Variants in SMU1 observed in about 807,000 individuals in gnomAD.
SMU1 encodes the protein SMU1 DNA replication regulator and spliceosomal factor.
SMU1 carries 2 observed loss-of-function variants against 62.0 expected under a neutral mutation model. The ratio of observed to expected loss-of-function variants is 0.03; its 90% confidence interval spans 0.01 to 0.10. The LOEUF (loss-of-function observed/expected upper bound fraction) is 0.10. Among genes scored for constraint, SMU1 ranks in the 10% least tolerant of loss-of-function variants. The pLI is 1.00. For missense variants in SMU1, 227 were observed against 622.1 expected, an observed-to-expected ratio of 0.36 and a Z score of 6.76; for synonymous variants, 188 against 212.4, an observed-to-expected ratio of 0.89 and a Z score of 1.00.
chr9:33,052,989 A>G, intron 10 of SMU1, 134 bp downstream of exon 10: 1 of 748,698 alleles, frequency 1.3e-6, no homozygotes, highest in Non-Finnish European at 2.2e-6. Flanking sequence ...TAAATCTGAA[A>G]AACAAATACA....
intron 10 of SMU1, among the ~76,000 whole-genome samples, chr9:33,052,239 T>C (rs1018878277): frequency 7.7e-5 from 11 of 142,446 alleles, no homozygotes; most frequent in African/African-American, 2.7e-4. Flanking sequence ...ATTATCATTA[T>C]ATAAGATGTT....
chr9:33,076,558 C>A lies in SMU1; in HGVS notation c.26+25G>T, dbSNP rs367840291. ...TAACCTCCAGGCCCCCGGCAAGGCGCGAACATCCCCACCGCAGGACTCACT... is the reference window on the plus strand; with the variant it reads ...TAACCTCCAGGCCCCCGGCAAGGCGAGAACATCCCCACCGCAGGACTCACT... On this transcript the variant is annotated intron_variant, in intron 1 of 11. Transcript: ENST00000397149. The A allele has an allele frequency of 1.9e-6, 3 of 1,613,414 alleles. No individual in the cohort carries two copies. In the African/African-American group the frequency reaches 4.0e-5, roughly 22 times the overall value.
In SMU1 at chr9:33,043,646, A is replaced by G. The variant is rs1186536386; in HGVS notation, c.*3647T>C. Reference sequence around the variant, plus strand: ...TGTGTTTGCAGCATGTGGAGGAACAATCCATGTATTCTTTGTCCCTGCCCA... The same window carrying G: ...TGTGTTTGCAGCATGTGGAGGAACAGTCCATGTATTCTTTGTCCCTGCCCA... On this transcript the variant is annotated 3_prime_UTR_variant, in exon 12 of 12. Transcript: ENST00000397149. 1 of 152,222 alleles carries G rather than the reference A, an allele frequency of 6.6e-6. No individual in the cohort carries two copies. Among genetic ancestry groups the G allele is most frequent in the Non-Finnish European group, 1.5e-5 (1 of 68,042 alleles). 9.4% of individuals were successfully genotyped at this position (152,222 alleles called of 1,614,324 possible). A position where few individuals can be genotyped will look rare whatever the true frequency, so the allele number is the denominator to read the frequency against.
At chr9:33,049,978 C>T (rs1564019372) in intron 10 of SMU1, among the ~76,000 whole-genome samples, 1 of 152,040 alleles carries the variant, frequency 6.6e-6, no homozygotes, top group Non-Finnish European at 1.5e-5. Context: ...AAGCCATGGA[C>T]TGGGAGAAAA....
chr9:33,066,253 A>G (rs892748282), intron 4 of SMU1, among the ~76,000 whole-genome samples: 1 of 152,212 alleles, frequency 6.6e-6, no homozygotes, highest in African/African-American at 2.4e-5. Context: ...ATAGGAATAC[A>G]GGGACAATGC....
Position 33,047,314 on chromosome 9 carries a change from G to C in SMU1, c.1521C>G (p.Leu507=), listed in dbSNP as rs1839197043. The C allele has an allele frequency of 6.2e-7, 1 of 1,610,696 alleles. No homozygotes were observed. Among genetic ancestry groups the C allele is most frequent in the Non-Finnish European group, 8.5e-7 (1 of 1,177,840 alleles). ...NLIATYSEDG[L]LKLWKP ...TGAATTATGGTTTCCAGAGCTTTAGGAGTCCATCTTCACTGTAGGTAGCAA... is the reference window on the plus strand; with the variant it reads ...TGAATTATGGTTTCCAGAGCTTTAGCAGTCCATCTTCACTGTAGGTAGCAA... The change falls in exon 12 of 12, where the codon CTC becomes CTG. Residue 507 remains leucine (L), a synonymous_variant. Transcript: ENST00000397149.
Position 33,076,603 on chromosome 9 carries a change from C to A in SMU1, c.6G>T (p.Ser2=). ...CTCACTCCGAAGATTCGATTTCGAT[C>A]GACATAGCCGTATCTCTCCGGGAGC... is the stretch of plus-strand genomic sequence containing the variant. M[S]IEIESSDVIR... is the part of the protein sequence containing the mutation. The change falls in exon 1 of 12, where the codon TCG becomes TCT. Residue 2 remains serine (S), a synonymous_variant. Coordinates refer to ENST00000397149, the MANE Select transcript of SMU1 (RefSeq NM_018225.3). 1 of 1,613,938 alleles carries A rather than the reference C, an allele frequency of 6.2e-7. No homozygotes were observed. The highest frequency in any genetic ancestry group is 1.3e-5 in the African/African-American group (1 of 75,054).
intron 5 of SMU1, 123 bp from the exon 6 acceptor site, chr9:33,060,707 T>G: frequency 1.4e-3 from 1,306 of 958,026 alleles, no homozygotes; most frequent in Non-Finnish European, 1.8e-3. Flanking sequence ...TATTATAGAG[T>G]ATTGGAGGGG....
At position 33,042,618 on chromosome 9, in the gene SMU1, G is replaced by T. The variant is rs530152226; in HGVS notation, c.*4675C>A. The stretch of plus-strand genomic sequence containing the variant: ...ACCTTGGCTACCATTGGAATTACCC[G>T]GGAAACATTAAAACACTCATCAGGT... On this transcript the variant is annotated 3_prime_UTR_variant, in exon 12 of 12. Transcript: ENST00000397149. 3 of 152,110 alleles carry T rather than the reference G, an allele frequency of 2.0e-5. No homozygotes were observed. The highest frequency in any genetic ancestry group is 4.4e-5 in the Non-Finnish European group (3 of 68,036). 9.4% of individuals were successfully genotyped at this position (152,110 alleles called of 1,614,324 possible).
In SMU1 at chr9:33,056,165, A is replaced by C. The variant is rs1170289933; in HGVS notation, c.1070T>G (p.Phe357Cys). The change falls in exon 9 of 12, where the codon TTT (phenylalanine) becomes TGT (cysteine). Residue 357 changes from phenylalanine to cysteine, a missense_variant. This residue lies in a region of SMU1 where 98 missense variants were observed against 195.9 expected (regional missense o/e 0.50). Transcript: ENST00000397149. ...AATAATGTAATGTCCATCTTGTGTA[A>C]ATGTTGCTTCGTTAACAAAGGAGGA... Reference protein sequence around the residue: ...GHSSFVNEATFTQDGHYIISA... With the variant: ...GHSSFVNEATCTQDGHYIISA... 6.2e-7 allele frequency: 1 copy of C among 1,613,586 alleles called. No individual in the cohort carries two copies. Among genetic ancestry groups the C allele is most frequent in the Non-Finnish European group, 8.5e-7 (1 of 1,179,684 alleles).
intron 8 of SMU1, among the ~76,000 whole-genome samples, chr9:33,056,563 G>A (rs913262198): frequency 6.6e-6 from 1 of 152,174 alleles, no homozygotes. Flanking sequence ...CCTCTAAAGT[G>A]ATTATGATGC....
At chr9:33,066,362 TCTCAGGAAGTTACTGGA>T (rs1203285978) in intron 4 of SMU1, among the ~76,000 whole-genome samples, 1 of 152,078 alleles carries the variant, frequency 6.6e-6, no homozygotes, top group African/African-American at 2.4e-5. Context: ...ATGCTTCCTT[TCTCAGGAAGTTACTGGA>T]CTCAGTACTC....
Position 33,044,868 on chromosome 9 carries a change from C to T in SMU1, c.*2425G>A, listed in dbSNP as rs1215616697. 6.6e-6 allele frequency: 1 copy of T among 152,250 alleles called. No individual in the cohort carries two copies. The highest frequency in any genetic ancestry group is 1.5e-5 in the Non-Finnish European group (1 of 68,088). The allele number at this position is 152,250 out of a possible 1,614,324, so 9.4% of individuals were successfully genotyped here. A position where few individuals can be genotyped will look rare whatever the true frequency, so the allele number is the denominator to read the frequency against. On this transcript the variant is annotated 3_prime_UTR_variant, in exon 12 of 12. Transcript: ENST00000397149. ...CCTTGCCGCTGTGCCACACTGGAGT[C>T]CCCGGTTAGGTTCCCTGTGCTTAGA...
chr9:33,049,365 C>A (rs1839218150), intron 10 of SMU1, among the ~76,000 whole-genome samples: 1 of 152,102 alleles, frequency 6.6e-6, no homozygotes, highest in Non-Finnish European at 1.5e-5. Flanking sequence ...CAAGAGATGC[C>A]ATAATTCGAC....
In SMU1 at chr9:33,068,837, G is replaced by T; in HGVS notation, c.488C>A (p.Ala163Glu). ...GAATTGAATTACCTGTCCCAGCAATGCCATGAGACGAGATGGAGGCACCAC... is the reference window on the plus strand; with the variant it reads ...GAATTGAATTACCTGTCCCAGCAATTCCATGAGACGAGATGGAGGCACCAC... ...VSVVPPSRLM[A>E]LLGQALKWQQ... Residue 163 changes from alanine to glutamate, a missense_variant, in exon 4 of 12, where the codon GCA (alanine) becomes GAA (glutamate). Physicochemically the swap from Ala to Glu is moderately radical, Grantham distance 107. Coordinates refer to ENST00000397149, the MANE Select transcript of SMU1 (RefSeq NM_018225.3). The T allele has an allele frequency of 1.2e-6, 2 of 1,614,012 alleles. No individual in the cohort carries two copies. The highest frequency in any genetic ancestry group is 1.7e-6 in the Non-Finnish European group (2 of 1,179,968).
chr9:33,068,897 G>A lies in SMU1; in HGVS notation c.428C>T (p.Ala143Val). ...PDGSSKEKRR[A>V]AIAQALAGEV... ...GCCAGCTAAGGCCTGGGCAATTGCT[G>A]CTCTTCTCTTTTCTTTGCTACTTCC... is the stretch of plus-strand genomic sequence containing the variant. Residue 143 changes from alanine to valine, a missense_variant, in exon 4 of 12, where the codon GCA becomes GTA. This residue lies in a region of SMU1 where 99 missense variants were observed against 270.3 expected (regional missense o/e 0.37). Transcript: ENST00000397149. 1 of 1,614,054 alleles carries A rather than the reference G, an allele frequency of 6.2e-7. No homozygotes were observed. The highest frequency in any genetic ancestry group is 1.3e-5 in the African/African-American group (1 of 75,014).
Position 33,068,812 on chromosome 9 carries a change from G to T in SMU1, c.501+12C>A. The T allele has an allele frequency of 6.2e-7, 1 of 1,613,532 alleles. No individual in the cohort carries two copies. Among genetic ancestry groups the T allele is most frequent in the South Asian group, 1.1e-5 (1 of 91,032 alleles). ...GAGCCACCACACCTGGCCTCTACAG[G>T]AATTGAATTACCTGTCCCAGCAATG... On this transcript the variant is annotated intron_variant, in intron 4 of 11. Coordinates refer to ENST00000397149, the MANE Select transcript of SMU1 (RefSeq NM_018225.3).
At chr9:33,073,268 C>T (rs929412864) in intron 2 of SMU1, among the ~76,000 whole-genome samples, 20 of 151,770 alleles carry the variant, frequency 1.3e-4, no homozygotes, top group Admixed American at 2.6e-4. Context: ...CGTGGTGGTG[C>T]GTGCCTGTGT....
intron 1 of SMU1, among the ~76,000 whole-genome samples, chr9:33,074,433 T>TAC (rs370222995): frequency 1.3e-3 from 193 of 149,250 alleles, no homozygotes; most frequent in South Asian, 2.3e-3. Context: ...ACCCCTTCTC[T>TAC]ACACACACAC....
Sources: allele counts gnomAD v4.1 joint callset (sites outside exome capture counted in the v4.1 genomes callset), GRCh38; gene constraint gnomAD v4.1.1; regional missense constraint gnomAD v4.1.1; transcripts MANE v1.5; gene names NCBI Gene and HGNC (gene_info 2026-07-23, HGNC 2026-07-21).